Variants in CTBP2 observed in about 807,000 individuals in gnomAD.
CTBP2 encodes C-terminal binding protein 2, also known as C-terminal-binding protein 2.
In CTBP2, 30 loss-of-function variants were observed where a neutral mutation model predicts 80.3. That is an observed-to-expected ratio of 0.37 (90% CI 0.28 to 0.51). The LOEUF is 0.51. Ranked by LOEUF, CTBP2 falls within the 20% of genes least tolerant of loss-of-function variation. CTBP2 has a pLI of 0.93. For synonymous variants in CTBP2, 594 were observed against 587.4 expected, an observed-to-expected ratio of 1.01 and a Z score of -0.16; for missense variants, 1,212 against 1,375.3, an observed-to-expected ratio of 0.88 and a Z score of 1.88.
rs576623714 is a variant in CTBP2 at position 125,132,390 on chromosome 10, A to G, written c.-205-21297T>C. ...TGTTAAAGTGCTGAAAAACCAATAC[A>G]GTGTCTTCAATGAAGTCTTCCAACA... On this transcript the variant is annotated intron_variant, in intron 1 of 10. Coordinates refer to the CTBP2 transcript ENST00000337195. Among the ~76,000 whole-genome samples, 8 of 152,336 alleles carry G rather than the reference A, an allele frequency of 5.3e-5. No individual in the cohort carries two copies. The South Asian group carries it at 6.2e-4, about 12-fold the overall frequency.
intron 2 of CTBP2, among the ~76,000 whole-genome samples, chr10:125,107,421 G>A (rs1264332531): frequency 1.4e-5 from 2 of 147,896 alleles, no homozygotes; most frequent in East Asian, 3.9e-4. Context: ...CACACACTGG[G>A]ACCAGAGTGG....
At position 124,992,766 on chromosome 10, in the gene CTBP2, A is replaced by G; in HGVS notation, c.2706T>C (p.Phe902=). 1.2e-6 allele frequency: 2 copies of G among 1,611,208 alleles called. No individual in the cohort carries two copies. The highest frequency in any genetic ancestry group is 1.7e-6 in the Non-Finnish European group (2 of 1,178,434). ...TTACTGACCAAGGCGCTGATGTGACAAAGAATTCCTTGTTCACACAATTTC... is the reference window on the plus strand; with the variant it reads ...TTACTGACCAAGGCGCTGATGTGACGAAGAATTCCTTGTTCACACAATTTC... Residue 902 remains phenylalanine (F), a synonymous_variant, in exon 8 of 9, where the codon TTT becomes TTC. Transcript: ENST00000309035.
chr10:125,054,028 C>T (rs1012729889), intron 2 of CTBP2, among the ~76,000 whole-genome samples: 1 of 152,062 alleles, frequency 6.6e-6, no homozygotes, highest in African/African-American at 2.4e-5. Flanking sequence ...GGCGTGCCCA[C>T]AAAACAGTAG....
chr10:125,136,270 C>T (rs902772554), intron 1 of CTBP2, among the ~76,000 whole-genome samples: 1 of 152,230 alleles, frequency 6.6e-6, no homozygotes, highest in African/African-American at 2.4e-5. Context: ...AGCTCACAGC[C>T]TACCTCCTGT....
intron 1 of CTBP2, chr10:125,005,567 T>C (rs1293119734): frequency 1.2e-6 from 2 of 1,611,476 alleles, no homozygotes; most frequent in East Asian, 2.2e-5. Flanking sequence ...CCTGTATGAG[T>C]GGACAGGAAG....
intron 1 of CTBP2, among the ~76,000 whole-genome samples, chr10:125,017,298 C>T (rs751727285): frequency 3.9e-5 from 6 of 152,142 alleles, no homozygotes; most frequent in Admixed American, 6.5e-5. Context: ...GCGCTGATGC[C>T]GCTTCTTTGG....
At chr10:125,162,081 C>T (rs1357094028), upstream of CTBP2, among the ~76,000 whole-genome samples, 3 of 152,236 alleles carry the variant, frequency 2.0e-5, no homozygotes, top group Non-Finnish European at 2.9e-5. Flanking sequence ...TTCTCACTAC[C>T]CTGAGTTCGG....
At chr10:125,152,682 ACT>A (rs548133140) in intron 1 of CTBP2, among the ~76,000 whole-genome samples, 18 of 152,084 alleles carry the variant, frequency 1.2e-4, no homozygotes, top group Non-Finnish European at 2.5e-4. Context: ...AGCAAAATAT[ACT>A]CTTTATTGAT....
At chr10:125,087,502 C>A (rs1211566573) in intron 2 of CTBP2, among the ~76,000 whole-genome samples, 1 of 152,162 alleles carries the variant, frequency 6.6e-6, no homozygotes, top group Non-Finnish European at 1.5e-5. Flanking sequence ...AGGAAACACT[C>A]CCCCAGTCCC....
rs150627166 is a variant in CTBP2 at position 125,070,956 on chromosome 10, T to C, written c.-101-31801A>G. Among the ~76,000 whole-genome samples, 705 of 152,338 alleles carry C rather than the reference T, an allele frequency of 4.6e-3. 6 individuals are homozygous for C. The highest frequency in any genetic ancestry group is 0.016 in the African/African-American group (664 of 41,580). On this transcript the variant is annotated intron_variant, in intron 2 of 10. Coordinates refer to the CTBP2 transcript ENST00000337195. ...AAAATTTTTCTAAAATAAAAACTTT[T>C]TAACCAAAGAAAAAAAGAAAATCAC...
chr10:124,990,290 G>A (rs919624104), intron 8 of CTBP2, among the ~76,000 whole-genome samples: 6 of 151,914 alleles, frequency 3.9e-5, no homozygotes, highest in Non-Finnish European at 5.9e-5. Flanking sequence ...TGATCCGCCC[G>A]CCTCAGCCTC....
chr10:125,041,967 TTTGGGG>T (rs1282942509), intron 2 of CTBP2, among the ~76,000 whole-genome samples: 1 of 148,378 alleles, frequency 6.7e-6, no homozygotes, highest in East Asian at 2.0e-4. Context: ...GTCTGGCTTT[TTTGGGG>T]GTGGGGGTGG....
At chr10:124,995,813 A>T (rs1953406256) in intron 4 of CTBP2, among the ~76,000 whole-genome samples, 1 of 152,132 alleles carries the variant, frequency 6.6e-6, no homozygotes, top group Non-Finnish European at 1.5e-5. Flanking sequence ...TCTCTGACGC[A>T]CTGGCAACAT....
chr10:125,055,221 T>A lies in CTBP2; in HGVS notation c.-101-16066A>T, dbSNP rs59638840. On this transcript the variant is annotated intron_variant, in intron 2 of 10. Coordinates refer to the CTBP2 transcript ENST00000337195. ...TCTGAGCTCTCAGAGAAAAAGAGCA[T>A]GTAGGTAAATATTGAAGGCAGTCTG... is the stretch of plus-strand genomic sequence containing the variant. Among the ~76,000 whole-genome samples, 748 of 152,222 alleles carry A rather than the reference T, an allele frequency of 4.9e-3. 6 individuals carry two copies. Among genetic ancestry groups the A allele is most frequent in the African/African-American group, 0.017 (707 of 41,520 alleles).
At chr10:125,008,805 A>C (rs1955540324) in intron 1 of CTBP2, among the ~76,000 whole-genome samples, 1 of 152,278 alleles carries the variant, frequency 6.6e-6, no homozygotes, top group Non-Finnish European at 1.5e-5. Flanking sequence ...AGCCGTAATA[A>C]GGAAATCAAT....
chr10:125,098,602 C>A lies in CTBP2; in HGVS notation c.-102+12388G>T, dbSNP rs199779427. ...ACCTGTGCCCTGCACCTTCACAGTGCCAATGACGCAGCCTGGGGCTGCTGC... is the reference window on the plus strand; with the variant it reads ...ACCTGTGCCCTGCACCTTCACAGTGACAATGACGCAGCCTGGGGCTGCTGC... On this transcript the variant is annotated intron_variant, in intron 2 of 10. Coordinates refer to the CTBP2 transcript ENST00000337195. 1.9e-4 allele frequency among the ~76,000 whole-genome samples: 27 copies of A among 145,874 alleles called. No homozygotes were observed. In the East Asian group the frequency reaches 3.8e-3, roughly 21 times the overall value.
intron 2 of CTBP2, among the ~76,000 whole-genome samples, chr10:125,051,149 G>GA (rs1436501880): frequency 6.6e-6 from 1 of 152,088 alleles, no homozygotes; most frequent in East Asian, 1.9e-4. Context: ...AAATAAATGG[G>GA]AAAAAAGGTC....
rs1463969658 is a variant in CTBP2 at position 124,993,921 on chromosome 10, G to C, written c.2465C>G (p.Ala822Gly). ...TATCCTGCCCTCCTTGAGGGCTTGT[G>C]CTAAGGCTTTCTCGTCCACCAGGCC... The change falls in exon 6 of 9, where the codon GCA (alanine) becomes GGA (glycine). Residue 822 changes from alanine to glycine, a missense_variant. Ala to Gly is a moderately conservative substitution (Grantham distance 60). Coordinates refer to ENST00000309035, the MANE Select transcript of CTBP2 (RefSeq NM_022802.3). The C allele has an allele frequency of 4.7e-5, 76 of 1,614,180 alleles. No homozygotes were observed. The highest frequency in any genetic ancestry group is 6.4e-5 in the Non-Finnish European group (75 of 1,180,042).
At chr10:124,998,262 T>G in intron 3 of CTBP2, 92 bp from the exon 6 acceptor site, 405 of 1,416,450 alleles carry the variant, frequency 2.9e-4, no homozygotes, top group Non-Finnish European at 3.6e-4. Context: ...TGAGACTCGG[T>G]TGTTGGCACC....
Sources: gnomAD v4.1 joint callset for allele counts (sites outside exome capture counted in the v4.1 genomes callset) on GRCh38, gnomAD v4.1.1 for gene constraint, MANE v1.5 for transcripts, NCBI Gene and HGNC (gene_info 2026-07-23, HGNC 2026-07-21) for gene names.